Variants in SIGLEC5 observed in about 807,000 individuals in gnomAD.
SIGLEC5 encodes the protein sialic acid-binding Ig-like lectin 5.
In SIGLEC5, 34 loss-of-function variants were observed where a neutral mutation model predicts 45.9. The observed-to-expected ratio is 0.74, with a 90% CI of 0.56 to 0.99. The LOEUF is 0.99. Ranked by LOEUF, SIGLEC5 falls within the 50% of genes least tolerant of loss-of-function variation. The probability of loss-of-function intolerance (pLI) is 0.00; values close to 1 mark genes in which losing one functional copy is unlikely to be tolerated. For missense variants in SIGLEC5, 508 were observed against 629.6 expected, an observed-to-expected ratio of 0.81 and a Z score of 2.07; for synonymous variants, 203 against 258.6, an observed-to-expected ratio of 0.79 and a Z score of 2.06.
At chr19:51,624,535 T>A (rs563010766) in intron 8 of SIGLEC5, among the ~76,000 whole-genome samples, 1 of 152,268 alleles carries the variant, frequency 6.6e-6, no homozygotes, top group South Asian at 2.1e-4. Context: ...AGCTTGGTCA[T>A]GAACTAAGCA....
rs878951643 is a variant in SIGLEC5 at position 51,628,749 on chromosome 19, CATGTGTGTGTGTAT to C, written c.739+275_739+288del. On this transcript the variant is annotated intron_variant, in intron 4 of 8. Transcript: ENST00000683636. ...GTGTGTGTGCATGTGTGCCTGTGTGCATGTGTGTGTGTATGTGCGTGTGTGTGTGGTGTATTGCA... is the reference window on the plus strand; with the variant it reads ...GTGTGTGTGCATGTGTGCCTGTGTGCGTGCGTGTGTGTGTGGTGTATTGCA... Among the ~76,000 whole-genome samples, 3 of 137,310 alleles carry C rather than the reference CATGTGTGTGTGTAT, an allele frequency of 2.2e-5. 1 individual carries two copies. In the South Asian group the frequency reaches 6.9e-4, roughly 32 times the overall value. 90.1% of individuals were successfully genotyped at this position (137,310 alleles called of 152,430 possible).
chr19:51,623,341 T>C (rs140813503), intron 8 of SIGLEC5, among the ~76,000 whole-genome samples: 123 of 152,260 alleles, frequency 8.1e-4, no homozygotes, highest in African/African-American at 2.9e-3. Context: ...CTTATGTTCA[T>C]TGAAGATCAC....
At chr19:51,627,319 A>T (rs117889167) in intron 6 of SIGLEC5, 71 bp from the exon 7 acceptor site, 61,145 of 1,557,034 alleles carry the variant, frequency 0.039, 1,470 homozygotes, top group Non-Finnish European at 0.048. Context: ...CTGCTGGGCA[A>T]CTTGCTCCAG....
In SIGLEC5 at chr19:51,627,874, C is replaced by A; in HGVS notation, c.957G>T (p.Pro319=). ...EGGFTCRAQH[P]LGFLQIFLNL... is the part of the protein sequence containing the mutation. The stretch of plus-strand genomic sequence containing the variant: ...TCAGAAAAATTTGCAGGAAGCCCAG[C>A]GGGTGCTGAGCGCGGCAGGTGAAGC... The change falls in exon 5 of 9, where the codon CCG becomes CCT. Residue 319 remains proline, a synonymous_variant. Transcript: ENST00000683636. 1.9e-6 allele frequency: 3 copies of A among 1,610,990 alleles called. No individual in the cohort carries two copies. Among genetic ancestry groups the A allele is most frequent in the Non-Finnish European group, 2.5e-6 (3 of 1,178,682 alleles).
chr19:51,628,253 G>A (rs1983580613), intron 4 of SIGLEC5, among the ~76,000 whole-genome samples, 162 bp from the exon 5 acceptor site: 2 of 152,182 alleles, frequency 1.3e-5, no homozygotes, highest in Admixed American at 6.5e-5. Flanking sequence ...TGCACACTCA[G>A]GAAACTGACC....
Position 51,627,731 on chromosome 19 carries a change from A to G in SIGLEC5, c.1013T>C (p.Leu338Pro), listed in dbSNP as rs767085421. The G allele has an allele frequency of 3.8e-6, 6 of 1,588,170 alleles. No individual in the cohort carries two copies. The Admixed American group carries it at 5.2e-5, about 14-fold the overall frequency. ...NLSVYSLPQL[L>P]GPSCSWEAEG... ...AGCCTCCCAGGAGCAGGAGGGGCCC[A>G]GCAACTGTGGGAGGGCTGTGGGGAG... The change falls in exon 6 of 9, where the codon CTG (leucine) becomes CCG (proline). Residue 338 changes from leucine (L) to proline (P), a missense_variant. Leu to Pro is a moderately conservative substitution (Grantham distance 98). This residue lies in a region of SIGLEC5 where 431 missense variants were observed against 428.8 expected (regional missense o/e 1.01). Coordinates refer to ENST00000683636, the MANE Select transcript of SIGLEC5 (RefSeq NM_003830.4).
intron 3 of SIGLEC5, 74 bp from the exon 4 acceptor site, chr19:51,629,150 G>T: frequency 6.4e-7 from 1 of 1,569,042 alleles, no homozygotes; most frequent in South Asian, 1.1e-5. Context: ...GGTACCCAAA[G>T]AGGAGCCACA....
At chr19:51,628,641 A>G (rs534105106) in intron 4 of SIGLEC5, among the ~76,000 whole-genome samples, 19 of 143,286 alleles carry the variant, frequency 1.3e-4, no homozygotes, top group Non-Finnish European at 2.6e-4. Context: ...GTATCTGCAT[A>G]TGTGTGTGTG....
In SIGLEC5 at chr19:51,627,735, ACTGTGGGAGGG is replaced by A; in HGVS notation, c.998_1008del (p.Ser333PhefsTer11). On this transcript the variant is annotated frameshift_variant and splice_region_variant, in exon 6 of 9. Coordinates refer to ENST00000683636, the MANE Select transcript of SIGLEC5 (RefSeq NM_003830.4). LOFTEE classifies it high-confidence loss of function. ...TCCCAGGAGCAGGAGGGGCCCAGCA[ACTGTGGGAGGG>A]CTGTGGGGAGGGAGGACAGAACTCA... 14 of 1,586,596 alleles carry A rather than the reference ACTGTGGGAGGG, an allele frequency of 8.8e-6. No individual in the cohort carries two copies. In the African/African-American group the frequency reaches 1.7e-4, roughly 20 times the overall value.
chr19:51,627,640 C>A lies in SIGLEC5; in HGVS notation c.1104G>T (p.Glu368Asp), dbSNP rs778286833. The A allele has an allele frequency of 7.4e-6, 12 of 1,611,726 alleles. No individual in the cohort carries two copies. The highest frequency in any genetic ancestry group is 9.3e-6 in the Non-Finnish European group (11 of 1,179,528). Reference sequence around the variant, plus strand: ...TGCTGTTCCCCTCCAGCGGCTTCTCCTCAAGCCGCCAGCACAGGGAGGGGG... The same window carrying A: ...TGCTGTTCCCCTCCAGCGGCTTCTCATCAAGCCGCCAGCACAGGGAGGGGG... ...RPAPSLCWRL[E>D]EKPLEGNSSQ... Residue 368 changes from glutamate (E) to aspartate (D), a missense_variant, in exon 6 of 9, where the codon GAG becomes GAT. By Grantham distance (45) the Glu-to-Asp change is conservative. Coordinates refer to ENST00000683636, the MANE Select transcript of SIGLEC5 (RefSeq NM_003830.4).
rs771855691 is a variant in SIGLEC5, at chr19:51,612,453, T to C, written c.1465-31A>G. 3.3e-6 allele frequency: 5 copies of C among 1,514,264 alleles called. No homozygotes were observed. The Admixed American group carries it at 7.8e-5, about 24-fold the overall frequency. The allele number at this position is 1,514,264 out of a possible 1,614,324, so 93.8% of individuals were successfully genotyped here. ...TAAAGGGGAAGGAAAGGTGTCACAGTAGGAATAAAGAGGCAGGTGTAGAAT... is the reference window on the plus strand; with the variant it reads ...TAAAGGGGAAGGAAAGGTGTCACAGCAGGAATAAAGAGGCAGGTGTAGAAT... On this transcript the variant is annotated intron_variant, in intron 8 of 8. Coordinates refer to ENST00000683636, the MANE Select transcript of SIGLEC5 (RefSeq NM_003830.4).
Position 51,625,270 on chromosome 19 carries a change from G to A in SIGLEC5, c.1464+762C>T, listed in dbSNP as rs574843897. ...CAGAAGGCCAGCGTGGCCAGGCCAC[G>A]GGGCAGGATCAGAGGACAGAAACAG... On this transcript the variant is annotated intron_variant, in intron 8 of 8. Transcript: ENST00000683636. Among the ~76,000 whole-genome samples, 324 of 152,328 alleles carry A rather than the reference G, an allele frequency of 2.1e-3. 4 individuals are homozygous for A. Among genetic ancestry groups the A allele is most frequent in the Non-Finnish European group, 7.8e-4 (53 of 68,028 alleles).
intron 8 of SIGLEC5, among the ~76,000 whole-genome samples, chr19:51,625,208 G>C (rs900089211): frequency 9.8e-5 from 15 of 152,296 alleles, no homozygotes; most frequent in African/African-American, 3.6e-4. Context: ...ATACTTGCAA[G>C]GGCTCAAAGT....
Position 51,611,187 on chromosome 19 carries a change from T to G in SIGLEC5, c.*1044A>C, listed in dbSNP as rs1410664892. 1.3e-5 allele frequency among the ~76,000 whole-genome samples: 2 copies of G among 152,214 alleles called. No homozygotes were observed. The highest frequency in any genetic ancestry group is 4.8e-5 in the African/African-American group (2 of 41,460). On this transcript the variant is annotated 3_prime_UTR_variant, in exon 9 of 9. Transcript: ENST00000683636. ...TCTAACATTGTCATTTATCTGGGTT[T>G]GGAGATACCCTAGATAAGTAACTGG... is the stretch of plus-strand genomic sequence containing the variant.
chr19:51,621,233 C>T (rs1983270226), intron 8 of SIGLEC5: 1 of 152,124 alleles, frequency 6.6e-6, no homozygotes, highest in African/African-American at 2.4e-5. Flanking sequence ...CTCAAGGAAC[C>T]CAGCTGAGAA....
intron 8 of SIGLEC5, among the ~76,000 whole-genome samples, chr19:51,622,589 A>G (rs144114538): frequency 3.7e-3 from 567 of 152,332 alleles, no homozygotes; most frequent in African/African-American, 0.012. Context: ...AGGGACAGTA[A>G]AATTGACTAT....
In SIGLEC5 at chr19:51,611,687, G is replaced by A. The variant is rs988368609; in HGVS notation, c.*544C>T. Among the ~76,000 whole-genome samples, 9 of 152,190 alleles carry A rather than the reference G, an allele frequency of 5.9e-5. No homozygotes were observed. Among genetic ancestry groups the A allele is most frequent in the Non-Finnish European group, 1.2e-4 (8 of 68,028 alleles). On this transcript the variant is annotated 3_prime_UTR_variant, in exon 9 of 9. Transcript: ENST00000683636. ...AGGATTGCAGGTAAAAGTGGGCAAA[G>A]ATATGACTCTGGCAAGGATATAAGA...
At chr19:51,620,566 C>T (rs143937367) in intron 8 of SIGLEC5, among the ~76,000 whole-genome samples, 135 of 152,200 alleles carry the variant, frequency 8.9e-4, no homozygotes, top group African/African-American at 3.2e-3. Context: ...AGGATAAAAA[C>T]TTATTTAGTG....
In SIGLEC5 at chr19:51,627,980, C is replaced by A. The variant is rs1441878375; in HGVS notation, c.851G>T (p.Gly284Val). 5 of 1,613,456 alleles carry A rather than the reference C, an allele frequency of 3.1e-6. No individual in the cohort carries two copies. Among genetic ancestry groups the A allele is most frequent in the Middle Eastern group, 3.3e-4 (2 of 6,056 alleles). Residue 284 changes from glycine (G) to valine (V), a missense_variant, in exon 5 of 9, where the codon GGC (glycine) becomes GTC (valine). This residue lies in a region of SIGLEC5 where 431 missense variants were observed against 428.8 expected (regional missense o/e 1.01). Coordinates refer to ENST00000683636, the MANE Select transcript of SIGLEC5 (RefSeq NM_003830.4). ...NPPAHLSWFQ[G>V]SPALNATPIS... ...GGGGGTGGCGTTCAGGGCAGGGGAG[C>A]CCTGGAACCAGCTCAGGTGTGCAGG...
Sources: allele counts gnomAD v4.1 joint callset (sites outside exome capture counted in the v4.1 genomes callset), GRCh38; gene constraint gnomAD v4.1.1; regional missense constraint gnomAD v4.1.1; transcripts MANE v1.5; gene names NCBI Gene and HGNC (gene_info 2026-07-23, HGNC 2026-07-21).